DAB1: variants seen among roughly 807,000 people sequenced by gnomAD.
The protein encoded by DAB1 is DAB adaptor protein 1, also known as disabled homolog 1.
DAB1 carries 15 observed loss-of-function variants against 64.6 expected under a neutral mutation model. That is an observed-to-expected ratio of 0.23 (90% confidence interval 0.16 to 0.36). DAB1 has a LOEUF of 0.36. DAB1 is among the 10% of genes least tolerant of loss of function. The pLI, the probability that DAB1 is intolerant of heterozygous loss-of-function variation, is 1.00. For missense variants in DAB1, 596 were observed against 706.7 expected, an observed-to-expected ratio of 0.84 and a Z score of 1.78; for synonymous variants, 235 against 251.9, an observed-to-expected ratio of 0.93 and a Z score of 0.64.
At chr1:57,382,843 A>G (rs553746670) in intron 1 of DAB1, among the ~76,000 whole-genome samples, 217 of 152,264 alleles carry the variant, frequency 1.4e-3, no homozygotes, top group African/African-American at 4.9e-3. Flanking sequence ...TAACATCTTC[A>G]TAGGTTCCGA....
chr1:58,236,234 CA>C (rs1402126719), intron 4 of DAB1, among the ~76,000 whole-genome samples: 1 of 152,038 alleles, frequency 6.6e-6, no homozygotes, highest in Non-Finnish European at 1.5e-5. Flanking sequence ...AATAAACTTT[CA>C]AAAAGGTTTC....
chr1:57,159,969 G>A (rs905561554), intron 2 of DAB1, among the ~76,000 whole-genome samples: 5 of 151,826 alleles, frequency 3.3e-5, no homozygotes, highest in East Asian at 1.9e-4. Flanking sequence ...CTTGAGGAGC[G>A]TAGCCTATCC....
intron 4 of DAB1, among the ~76,000 whole-genome samples, chr1:58,274,780 C>T (rs554473680): frequency 7.9e-5 from 12 of 152,144 alleles, no homozygotes; most frequent in South Asian, 2.1e-4. Context: ...CAGGTGCGTC[C>T]GTCACTCCTT....
intron 2 of DAB1, among the ~76,000 whole-genome samples, chr1:57,145,674 A>G (rs1245690140): frequency 6.6e-6 from 1 of 152,234 alleles, no homozygotes; most frequent in African/African-American, 2.4e-5. Context: ...AATAAGTTAA[A>G]AATAACCACC....
intron 6 of DAB1, among the ~76,000 whole-genome samples, chr1:57,773,999 T>C (rs1649680572): frequency 1.3e-5 from 2 of 152,010 alleles, no homozygotes; most frequent in East Asian, 1.9e-4. Context: ...ATTTTTCATC[T>C]AAATTTTAGA....
chr1:58,078,448 T>G (rs1024733922), intron 5 of DAB1, among the ~76,000 whole-genome samples: 3 of 152,184 alleles, frequency 2.0e-5, no homozygotes, highest in Non-Finnish European at 4.4e-5. Flanking sequence ...AAACATAGCT[T>G]GGCATTCAGT....
chr1:57,061,148 G>A (rs1235254862), intron 9 of DAB1, among the ~76,000 whole-genome samples: 1 of 149,574 alleles, frequency 6.7e-6, no homozygotes, highest in African/African-American at 2.5e-5. Flanking sequence ...CCTAGACTTG[G>A]GTTTTTGAAA....
downstream of DAB1, among the ~76,000 whole-genome samples, chr1:57,821,922 A>G (rs2101896049): frequency 6.6e-6 from 1 of 152,314 alleles, no homozygotes; most frequent in South Asian, 2.1e-4. Flanking sequence ...TGATCTCATT[A>G]AATTTTCACA....
chr1:57,334,587 T>A (rs1676933141), intron 1 of DAB1, among the ~76,000 whole-genome samples: 1 of 152,210 alleles, frequency 6.6e-6, no homozygotes, highest in Admixed American at 6.5e-5. Context: ...ATTGATTTAG[T>A]CCACACAACA....
intron 7 of DAB1, among the ~76,000 whole-genome samples, chr1:57,567,943 AC>A (rs1340669854): frequency 2.6e-5 from 4 of 152,190 alleles, no homozygotes; most frequent in Non-Finnish European, 5.9e-5. Context: ...TTCATATGGA[AC>A]CAAAAAAGAG....
chr1:57,792,768 T>C (rs766810420), intron 6 of DAB1, among the ~76,000 whole-genome samples: 1 of 152,212 alleles, frequency 6.6e-6, no homozygotes, highest in Non-Finnish European at 1.5e-5. Flanking sequence ...TTAGAGAGCT[T>C]GGTTTCCTTT....
chr1:58,445,828 C>T (rs1242231365), intron 3 of DAB1, among the ~76,000 whole-genome samples: 1 of 152,182 alleles, frequency 6.6e-6, no homozygotes, highest in Non-Finnish European at 1.5e-5. Context: ...AGAAAGGAGA[C>T]TTCATCACCT....
chr1:58,080,011 G>A (rs1649898694), intron 5 of DAB1: 1 of 152,182 alleles, frequency 6.6e-6, no homozygotes, highest in South Asian at 2.1e-4. Flanking sequence ...TGTTTTTCAG[G>A]TCCTGGAAAG....
At chr1:58,164,459 GCACATC>G (rs1449349354) in intron 4 of DAB1, among the ~76,000 whole-genome samples, 2 of 152,192 alleles carry the variant, frequency 1.3e-5, no homozygotes, top group Non-Finnish European at 2.9e-5. Context: ...GTATAGATGA[GCACATC>G]CACTCAGAAC....
At chr1:58,369,274 T>G (rs1198161876) in intron 3 of DAB1, among the ~76,000 whole-genome samples, 1 of 152,152 alleles carries the variant, frequency 6.6e-6, no homozygotes, top group East Asian at 1.9e-4. Context: ...AAATATTAGC[T>G]TCTGAATATT....
At chr1:57,578,779 T>C (rs1645279742) in intron 7 of DAB1, among the ~76,000 whole-genome samples, 1 of 152,250 alleles carries the variant, frequency 6.6e-6, no homozygotes, top group Admixed American at 6.5e-5. Context: ...TGCATTCACT[T>C]CTGGTAGGAG....
At chr1:57,910,614 C>T (rs982235786) in intron 5 of DAB1, among the ~76,000 whole-genome samples, 1 of 152,146 alleles carries the variant, frequency 6.6e-6, no homozygotes, top group Non-Finnish European at 1.5e-5. Context: ...AGCCTGGAGC[C>T]ACGTCGTGGC....
intron 3 of DAB1, among the ~76,000 whole-genome samples, chr1:58,414,769 C>CA (rs1411382927): frequency 6.8e-6 from 1 of 147,930 alleles, no homozygotes; most frequent in Non-Finnish European, 1.5e-5. Flanking sequence ...AAGTAGAAAG[C>CA]AAAAAAATTA....
At chr1:57,869,616 T>C (rs1444346447) in intron 1 of DAB1, among the ~76,000 whole-genome samples, 1 of 152,120 alleles carries the variant, frequency 6.6e-6, no homozygotes, top group Non-Finnish European at 1.5e-5. Flanking sequence ...ACGTGCCAGC[T>C]AGGCCTGCTA....
Sources: gnomAD v4.1 joint callset for allele counts (sites outside exome capture counted in the v4.1 genomes callset) on GRCh38, gnomAD v4.1.1 for gene constraint, MANE v1.5 for transcripts, NCBI Gene and HGNC (gene_info 2026-07-23, HGNC 2026-07-21) for gene names.